TPCN1: variants seen among roughly 807,000 people sequenced by gnomAD.
TPCN1 encodes two pore segment channel 1, also known as two pore channel protein 1.
In TPCN1, 52 loss-of-function variants were observed where a neutral mutation model predicts 108.8. The ratio of observed to expected loss-of-function variants is 0.48; its 90% CI spans 0.38 to 0.60. TPCN1 has a LOEUF of 0.60. Among genes scored for constraint, TPCN1 ranks in the 20% least tolerant of loss-of-function variants. TPCN1 has a pLI of 0.00. For synonymous variants in TPCN1, 446 were observed against 433.7 expected (o/e 1.03, Z -0.35); for missense variants, 806 against 1,072.8 (o/e 0.75, Z 3.47).
chr12:113,285,913 A>G lies in TPCN1; in HGVS notation c.1478A>G (p.Lys493Arg). The G allele has an allele frequency of 1.9e-6, 3 of 1,614,176 alleles. No homozygotes were observed. The highest frequency in any genetic ancestry group is 2.5e-6 in the Non-Finnish European group (3 of 1,180,032). Reference protein sequence around the residue: ...LTIYGVELFLKVAGLGPVEYL... With the variant: ...LTIYGVELFLRVAGLGPVEYL... ...GTCTATGGGGTGGAGCTGTTCCTGAAGGTTGCCGGCCTGGGCCCTGTGGAG... is the reference window on the plus strand; with the variant it reads ...GTCTATGGGGTGGAGCTGTTCCTGAGGGTTGCCGGCCTGGGCCCTGTGGAG... Residue 493 changes from lysine to arginine, a missense_variant, in exon 18 of 28, where the codon AAG becomes AGG. Physicochemically the swap from Lys to Arg is conservative, Grantham distance 26. Coordinates refer to ENST00000335509, the MANE Select transcript of TPCN1 (RefSeq NM_017901.6).
chr12:113,248,619 C>A (rs571570977), intron 2 of TPCN1, among the ~76,000 whole-genome samples: 1 of 152,286 alleles, frequency 6.6e-6, no homozygotes, highest in Admixed American at 6.5e-5. Context: ...GTGTTCCAGG[C>A]ACGTTTCAGA....
At chr12:113,275,030 A>G (rs1955624944) in intron 10 of TPCN1, among the ~76,000 whole-genome samples, 1 of 152,226 alleles carries the variant, frequency 6.6e-6, no homozygotes, top group African/African-American at 2.4e-5. Context: ...TGTCCCAGCC[A>G]TCACAGATCA....
intron 2 of TPCN1, among the ~76,000 whole-genome samples, chr12:113,247,500 T>C (rs2136509066): frequency 6.6e-6 from 1 of 152,340 alleles, no homozygotes; most frequent in South Asian, 2.1e-4. Context: ...AGCATATCCA[T>C]TGTCCCTTCA....
intron 19 of TPCN1, among the ~76,000 whole-genome samples, chr12:113,287,927 C>T (rs1401274011): frequency 3.3e-5 from 5 of 152,108 alleles, no homozygotes; most frequent in Admixed American, 1.3e-4. Flanking sequence ...TGCTCCTCTT[C>T]GTGGAAGGAC....
At chr12:113,241,019 G>A (rs867371347) in intron 2 of TPCN1, among the ~76,000 whole-genome samples, 1 of 152,098 alleles carries the variant, frequency 6.6e-6, no homozygotes, top group South Asian at 2.1e-4. Context: ...CTAAGTGCTG[G>A]GATAACAGGC....
Position 113,232,411 on chromosome 12 carries a change from G to T in TPCN1, c.112+5447G>T, listed in dbSNP as rs984524544. 1.3e-5 allele frequency among the ~76,000 whole-genome samples: 2 copies of T among 152,254 alleles called. No individual in the cohort carries two copies. Among genetic ancestry groups the T allele is most frequent in the East Asian group, 1.9e-4 (1 of 5,200 alleles). ...TCAAGGTGGGCCAGAGCTGTTGGCC[G>T]CAGGGCCGCCGTAGCCAGGAGGAGT... On this transcript the variant is annotated intron_variant, in intron 2 of 27. Coordinates refer to ENST00000335509, the MANE Select transcript of TPCN1 (RefSeq NM_017901.6). The surrounding 1 kb of genome is among the most constrained non-coding windows in gnomAD (Gnocchi z 5.6).
At chr12:113,237,803 A>G (rs542979896) in intron 2 of TPCN1, among the ~76,000 whole-genome samples, 1 of 152,330 alleles carries the variant, frequency 6.6e-6, no homozygotes, top group South Asian at 2.1e-4. Flanking sequence ...GCATGGAGGA[A>G]GCAGCTAGTG....
intron 13 of TPCN1, 105 bp from the exon 14 acceptor site, chr12:113,278,667 C>A: frequency 2.3e-6 from 2 of 880,112 alleles, no homozygotes; most frequent in Non-Finnish European, 3.7e-6. Flanking sequence ...AACATTGTTC[C>A]CCAGTTTAGC....
At position 113,293,048 on chromosome 12, in the gene TPCN1, C is replaced by T. The variant is rs1456024715; in HGVS notation, c.2228C>T (p.Thr743Ile). The change falls in exon 26 of 28, where the codon ACC becomes ATC. Residue 743 changes from threonine (T) to isoleucine (I), a missense_variant. Physicochemically the swap from Thr to Ile is moderately conservative, Grantham distance 89 (BLOSUM62 -1). Transcript: ENST00000335509. ...TCGGATGTCACCAGGCTGCTGGAGA[C>T]CCTCTCCCAGATGGAGAGATACCAG... ...ASSDVTRLLE[T>I]LSQMERYQQH... 6.2e-7 allele frequency: 1 copy of T among 1,612,792 alleles called. No individual in the cohort carries two copies. Among genetic ancestry groups the T allele is most frequent in the Non-Finnish European group, 8.5e-7 (1 of 1,179,778 alleles).
chr12:113,229,003 G>A (rs2136436274), intron 2 of TPCN1, among the ~76,000 whole-genome samples: 1 of 152,154 alleles, frequency 6.6e-6, no homozygotes, highest in East Asian at 1.9e-4. Context: ...CTGATGGTGG[G>A]GTGTCCAGCT....
intron 2 of TPCN1, among the ~76,000 whole-genome samples, chr12:113,257,036 A>G (rs975218298): frequency 1.3e-5 from 2 of 149,664 alleles, no homozygotes; most frequent in African/African-American, 2.4e-5. Flanking sequence ...AGAGCTCTCA[A>G]TTTAATAATA....
chr12:113,268,059 C>T lies in TPCN1; in HGVS notation c.528+103C>T, dbSNP rs185666821. 4,155 of 855,110 alleles carry T rather than the reference C, an allele frequency of 4.9e-3. 16 individuals carry two copies. The highest frequency in any genetic ancestry group is 6.4e-3 in the Non-Finnish European group (3,357 of 525,814). 53.0% of individuals were successfully genotyped at this position (855,110 alleles called of 1,614,324 possible). A position where few individuals can be genotyped will look rare whatever the true frequency, so the allele number is the denominator to read the frequency against. ...ATTCAGAATCCACCATGGGCCCAGT[C>T]CATGCTCAGAGGTGTAACCCTAGGG... On this transcript the variant is annotated intron_variant, in intron 5 of 27. Coordinates refer to ENST00000335509, the MANE Select transcript of TPCN1 (RefSeq NM_017901.6). The surrounding 1 kb of genome is among the most constrained non-coding windows in gnomAD (Gnocchi z 7.3).
intron 2 of TPCN1, chr12:113,245,828 T>G (rs900282952): frequency 6.5e-4 from 257 of 398,338 alleles, no homozygotes; most frequent in Non-Finnish European, 3.0e-4. Flanking sequence ...AGCCTTCCCC[T>G]CCTGCCTGTT....
intron 14 of TPCN1, among the ~76,000 whole-genome samples, chr12:113,279,614 C>T (rs909075376): frequency 3.3e-5 from 5 of 151,282 alleles, no homozygotes; most frequent in African/African-American, 7.3e-5. Flanking sequence ...CCATGCTGGC[C>T]AGGCTGATCT....
In TPCN1 at chr12:113,231,165, C is replaced by T. The variant is rs1953673888; in HGVS notation, c.112+4201C>T. On this transcript the variant is annotated intron_variant, in intron 2 of 27. Transcript: ENST00000335509. This position sits in a 1 kb window ranked among gnomAD's most constrained non-coding sequence, Gnocchi z 4.3. ...GTTTTGGCCCAGCAGCCGCTGAGGC[C>T]TTCTCAGCACTGTACCTCCACGCTC... Among the ~76,000 whole-genome samples the T allele has an allele frequency of 6.6e-6, 1 of 152,234 alleles. No individual in the cohort carries two copies. Among genetic ancestry groups the T allele is most frequent in the Non-Finnish European group, 1.5e-5 (1 of 68,044 alleles).
intron 2 of TPCN1, among the ~76,000 whole-genome samples, chr12:113,250,720 C>A (rs1954601002): frequency 6.6e-6 from 1 of 152,128 alleles, no homozygotes. Flanking sequence ...TTTGGGAGGC[C>A]AAGGCAGTTG....
rs1302740121 is a variant in TPCN1 at position 113,223,390 on chromosome 12, G to T, written c.-126+1764G>T. Among the ~76,000 whole-genome samples, 5 of 148,480 alleles carry T rather than the reference G, an allele frequency of 3.4e-5. No individual in the cohort carries two copies. The East Asian group carries it at 9.8e-4, about 29-fold the overall frequency. ...AGCCCACAGCTTGAGGAAGGAACCTGCTGCTGTTTGCAAGTTCAAAGGTCT... is the reference window on the plus strand; with the variant it reads ...AGCCCACAGCTTGAGGAAGGAACCTTCTGCTGTTTGCAAGTTCAAAGGTCT... On this transcript the variant is annotated intron_variant, in intron 1 of 27. Transcript: ENST00000335509.
Position 113,231,572 on chromosome 12 carries a change from C to T in TPCN1, c.112+4608C>T, listed in dbSNP as rs574214427. Among the ~76,000 whole-genome samples, 1 of 152,330 alleles carries T rather than the reference C, an allele frequency of 6.6e-6. No homozygotes were observed. Among genetic ancestry groups the T allele is most frequent in the South Asian group, 2.1e-4 (1 of 4,826 alleles). On this transcript the variant is annotated intron_variant, in intron 2 of 27. Transcript: ENST00000335509. This position sits in a 1 kb window ranked among gnomAD's most constrained non-coding sequence, Gnocchi z 4.3. ...CACAGTTCAGGCCATCACACTCCTA[C>T]CCATTCTTCAGAGGCAGGGACTGAG...
At chr12:113,280,032 A>G (rs373253979) in intron 14 of TPCN1, 119 bp from the exon 15 acceptor site, 219 of 726,908 alleles carry the variant, frequency 3.0e-4, no homozygotes, top group African/African-American at 2.2e-3. Context: ...GCTTACCTGC[A>G]TGCACGAAGA....
Sources: allele counts gnomAD v4.1 joint callset (sites outside exome capture counted in the v4.1 genomes callset), GRCh38; gene constraint gnomAD v4.1.1; non-coding constraint Gnocchi (gnomAD v3.1); transcripts MANE v1.5; gene names NCBI Gene and HGNC (gene_info 2026-07-23, HGNC 2026-07-21).